The following NMRAL1 variants were observed in gnomAD, a reference collection of about 807,000 sequenced individuals.
The protein encoded by NMRAL1 is NmrA like redox sensor 1, also known as nmrA-like family domain-containing protein 1.
A neutral mutation model predicts 27.5 loss-of-function variants in NMRAL1; 32 were observed. The observed-to-expected ratio is 1.16, with a 90% CI of 0.88 to 1.56. The LOEUF is 1.56. NMRAL1 is among the 40% of genes most tolerant of loss of function. The pLI, the probability that NMRAL1 is intolerant of heterozygous loss-of-function variation, is 0.00. For missense variants in NMRAL1, 420 were observed against 392.0 expected (o/e 1.07, Z -0.60); for synonymous variants, 166 against 166.8 (o/e 1.00, Z 0.04).
At chr16:4,469,085 G>A in intron 3 of NMRAL1, 142 bp downstream of exon 3, 2 of 660,418 alleles carry the variant, frequency 3.0e-6, no homozygotes, top group South Asian at 3.5e-5. Flanking sequence ...GCGTCCACCT[G>A]CTTCACAGCC....
intron 2 of NMRAL1, among the ~76,000 whole-genome samples, chr16:4,473,063 T>G (rs2057648516): frequency 6.7e-6 from 1 of 149,876 alleles, no homozygotes; most frequent in Non-Finnish European, 1.5e-5. Context: ...AGCCTTGACC[T>G]GCTGGACTCA....
rs149409840 is a variant in NMRAL1 at position 4,461,941 on chromosome 16, C to T, written c.739G>A (p.Glu247Lys). 4.2e-5 allele frequency: 68 copies of T among 1,613,316 alleles called. No individual in the cohort carries two copies. Among genetic ancestry groups the T allele is most frequent in the African/African-American group, 1.9e-4 (14 of 74,930 alleles). Reference sequence around the variant, plus strand: ...CGGGCACCGGGAAAGCCAAGCTTTTCGTAGTCCTCAGGAGTCATCTGGAAG... The same window carrying T: ...CGGGCACCGGGAAAGCCAAGCTTTTTGTAGTCCTCAGGAGTCATCTGGAAG... ...HDAKMTPEDYEKLGFPGARDL... is the reference protein window; with the variant it reads ...HDAKMTPEDYKKLGFPGARDL... Residue 247 changes from glutamate (E) to lysine (K), a missense_variant, in exon 6 of 6, where the codon GAA (glutamate) becomes AAA (lysine). Physicochemically the swap from Glu to Lys is moderately conservative, Grantham distance 56 (BLOSUM62 1). Transcript: ENST00000283429.
At chr16:4,468,435 G>A (rs2057413369) in intron 3 of NMRAL1, among the ~76,000 whole-genome samples, 1 of 152,048 alleles carries the variant, frequency 6.6e-6, no homozygotes, top group Non-Finnish European at 1.5e-5. Flanking sequence ...GGCCAACATG[G>A]TGAAACCCCG....
In NMRAL1 at chr16:4,472,743, C is replaced by CAAAAA. The variant is rs1351049797; in HGVS notation, c.40+1345_40+1349dup. 4.5e-4 allele frequency among the ~76,000 whole-genome samples: 35 copies of CAAAAA among 77,040 alleles called. 1 individual carries two copies. Among genetic ancestry groups the CAAAAA allele is most frequent in the Admixed American group, 1.4e-3 (10 of 6,906 alleles). 50.5% of individuals were successfully genotyped at this position (77,040 alleles called of 152,430 possible). Reference sequence around the variant, plus strand: ...TGGGCAACAGAGCGGGACTCTGTCTCAAAAAAAAAAAAAAAAAGAGTAAAG... The same window carrying CAAAAA: ...TGGGCAACAGAGCGGGACTCTGTCTCAAAAAAAAAAAAAAAAAAAAAAGAGTAAAG... On this transcript the variant is annotated intron_variant, in intron 2 of 5. Coordinates refer to ENST00000283429, the MANE Select transcript of NMRAL1 (RefSeq NM_020677.6).
chr16:4,470,456 G>T (rs1216958894), intron 2 of NMRAL1, among the ~76,000 whole-genome samples: 1 of 151,446 alleles, frequency 6.6e-6, no homozygotes, highest in Admixed American at 6.6e-5. Flanking sequence ...GGCAACAAGA[G>T]CGAAACTTGG....
intron 5 of NMRAL1, among the ~76,000 whole-genome samples, chr16:4,462,926 C>G (rs1023592210): frequency 6.6e-6 from 1 of 151,744 alleles, no homozygotes; most frequent in Non-Finnish European, 1.5e-5. Flanking sequence ...GGCATCTCGG[C>G]TCGCTGCAAA....
chr16:4,466,383 A>G lies in NMRAL1; in HGVS notation c.299T>C (p.Leu100Pro), dbSNP rs772472062. 2 of 1,612,404 alleles carry G rather than the reference A, an allele frequency of 1.2e-6. No homozygotes were observed. The highest frequency in any genetic ancestry group is 2.7e-5 in the African/African-American group (2 of 74,888). ...ATAGTGGAGGCCCAGGCGCCTGGCC[A>G]GATCAGCGAGCAGCTTCCCCTGGAG... ...EVKQGKLLAD[L>P]ARRLGLHYVV... is the part of the protein sequence containing the mutation. Residue 100 changes from leucine to proline, a missense_variant, in exon 4 of 6, where the codon CTG becomes CCG. Coordinates refer to ENST00000283429, the MANE Select transcript of NMRAL1 (RefSeq NM_020677.6).
chr16:4,471,619 C>CAA (rs997725293), intron 2 of NMRAL1, among the ~76,000 whole-genome samples: 19 of 58,490 alleles, frequency 3.2e-4, no homozygotes, highest in Admixed American at 8.1e-4. Flanking sequence ...GCCCTGTCTC[C>CAA]AAAAAAAAAA....
intron 5 of NMRAL1, among the ~76,000 whole-genome samples, chr16:4,462,390 A>G (rs1025977914): frequency 6.6e-6 from 1 of 152,124 alleles, no homozygotes; most frequent in Admixed American, 6.5e-5. Context: ...AGACAGGAGA[A>G]TCGCTTGAAA....
intron 3 of NMRAL1, 41 bp from the exon 4 acceptor site, chr16:4,466,443 G>C (rs1422578274): frequency 5.0e-6 from 8 of 1,595,888 alleles, no homozygotes; most frequent in East Asian, 2.2e-5. Flanking sequence ...CTCAGAAGAA[G>C]GATGTCTGTC....
chr16:4,463,910 G>A, intron 4 of NMRAL1, 60 bp from the exon 5 acceptor site: 2 of 1,464,264 alleles, frequency 1.4e-6, no homozygotes, highest in Non-Finnish European at 1.9e-6. Flanking sequence ...CAGGGACAGA[G>A]CCCCTCTCCA....
chr16:4,463,850 C>G lies in NMRAL1; in HGVS notation c.530G>C (p.Ser177Thr). The change falls in exon 5 of 6, where the codon AGC becomes ACC. Residue 177 changes from serine to threonine, a missense_variant and splice_region_variant. Coordinates refer to ENST00000283429, the MANE Select transcript of NMRAL1 (RefSeq NM_020677.6). The stretch of plus-strand genomic sequence containing the variant: ...CATGGGAACGTCACCTGTGGGCAAG[C>G]CTGTGGGGCAGAGACGTGAGCTGGT... ...KAPDGKSYLLSLPTGDVPMDG... is the reference protein window; with the variant it reads ...KAPDGKSYLLTLPTGDVPMDG... 1.2e-6 allele frequency: 2 copies of G among 1,612,290 alleles called. No individual in the cohort carries two copies.
At chr16:4,467,223 C>T (rs2057364021) in intron 3 of NMRAL1, 1 of 152,230 alleles carries the variant, frequency 6.6e-6, no homozygotes, top group African/African-American at 2.4e-5. Flanking sequence ...AAGGATTTCC[C>T]TCAAACCCCT....
chr16:4,464,630 T>C (rs577254279), intron 4 of NMRAL1, among the ~76,000 whole-genome samples: 2 of 149,966 alleles, frequency 1.3e-5, no homozygotes, highest in Non-Finnish European at 3.0e-5. Flanking sequence ...TTTTTTTTTT[T>C]TTGAGATGGA....
At chr16:4,462,945 C>T (rs532696390) in intron 5 of NMRAL1, among the ~76,000 whole-genome samples, 1 of 151,954 alleles carries the variant, frequency 6.6e-6, no homozygotes, top group Non-Finnish European at 1.5e-5. Flanking sequence ...AACTCTGCCT[C>T]CTGAGTTCAA....
intron 2 of NMRAL1, among the ~76,000 whole-genome samples, chr16:4,470,070 G>A (rs549619148): frequency 6.7e-6 from 1 of 149,266 alleles, no homozygotes; most frequent in Admixed American, 6.8e-5. Context: ...GCTAAGGCAG[G>A]AGAATCGCTT....
At position 4,474,117 on chromosome 16, in the gene NMRAL1, G is replaced by A. The variant is rs1239745627; in HGVS notation, c.16C>T (p.Leu6=). The A allele has an allele frequency of 5.6e-6, 9 of 1,612,300 alleles. No individual in the cohort carries two copies. Among genetic ancestry groups the A allele is most frequent in the African/African-American group, 4.0e-5 (3 of 74,898 alleles). The change falls in exon 2 of 6, where the codon CTG becomes TTG. Residue 6 remains leucine (L), a synonymous_variant. Coordinates refer to ENST00000283429, the MANE Select transcript of NMRAL1 (RefSeq NM_020677.6). ...CCTGTGCCTCCGAAAACCACCACCAGTTTCTTGTCCACCATGAGGACGAGA... is the reference window on the plus strand; with the variant it reads ...CCTGTGCCTCCGAAAACCACCACCAATTTCTTGTCCACCATGAGGACGAGA... MVDKK[L]VVVFGGTGAQ...
rs2057456814 is a variant in NMRAL1 at position 4,469,316 on chromosome 16, T to C, written c.190A>G (p.Ile64Val). ...VVQGDQDDQV[I>V]MELALNGAYA... The stretch of plus-strand genomic sequence containing the variant: ...GCCCCATTCAGGGCCAGCTCCATGA[T>C]GACCTGGTCATCTTGGTCTCCCTGC... The change falls in exon 3 of 6, where the codon ATC becomes GTC. Residue 64 changes from isoleucine (I) to valine (V), a missense_variant. Transcript: ENST00000283429. The C allele has an allele frequency of 6.2e-7, 1 of 1,614,052 alleles. No homozygotes were observed. The highest frequency in any genetic ancestry group is 1.7e-5 in the Admixed American group (1 of 60,004).
intron 3 of NMRAL1, among the ~76,000 whole-genome samples, chr16:4,468,049 C>T (rs2057396017): frequency 1.3e-5 from 2 of 152,044 alleles, no homozygotes; most frequent in Non-Finnish European, 2.9e-5. Flanking sequence ...CCCGCAGTCC[C>T]AGCACTTTGG....
Sources: allele counts gnomAD v4.1 joint callset (sites outside exome capture counted in the v4.1 genomes callset), GRCh38; gene constraint gnomAD v4.1.1; transcripts MANE v1.5; gene names NCBI Gene and HGNC (gene_info 2026-07-23, HGNC 2026-07-21).